The following FER variants were observed in gnomAD, a reference collection of about 807,000 sequenced individuals.
The protein encoded by FER is FER tyrosine kinase.
A neutral mutation model predicts 111.0 loss-of-function variants in FER; 63 were observed. The observed-to-expected ratio is 0.57, with a 90% CI of 0.46 to 0.70. The LOEUF is 0.70. FER is among the 30% of genes least tolerant of loss of function. The pLI is 0.00. For missense variants in FER, 914 were observed against 954.0 expected, an observed-to-expected ratio of 0.96 and a Z score of 0.55; for synonymous variants, 327 against 313.9, an observed-to-expected ratio of 1.04 and a Z score of -0.44.
At chr5:108,977,665 T>C (rs1162002829) in intron 13 of FER, among the ~76,000 whole-genome samples, 1 of 152,204 alleles carries the variant, frequency 6.6e-6, no homozygotes, top group Non-Finnish European at 1.5e-5. Context: ...TAAAAACATA[T>C]TTGGAATGTT....
At position 108,759,591 on chromosome 5, in the gene FER, G is replaced by C. The variant is rs75474841; in HGVS notation, c.-205-8502G>C. Among the ~76,000 whole-genome samples the C allele has an allele frequency of 8.2e-4, 125 of 152,320 alleles. 1 individual carries two copies. The East Asian group carries it at 0.021, about 26-fold the overall frequency. On this transcript the variant is annotated intron_variant, in intron 1 of 19. Coordinates refer to ENST00000281092, the MANE Select transcript of FER (RefSeq NM_005246.4). ...AATAATAGAAATTTATTCTCTCACA[G>C]TTCTAGAGGCTGGAAATTTCAAAGT...
chr5:109,125,187 T>C (rs1561926965), intron 17 of FER, among the ~76,000 whole-genome samples: 1 of 152,124 alleles, frequency 6.6e-6, no homozygotes, highest in Non-Finnish European at 1.5e-5. Context: ...TTTAGAATTA[T>C]TATCTGTTTT....
At chr5:108,945,943 CAGTAA>C (rs1413748525) in intron 10 of FER, among the ~76,000 whole-genome samples, 182 bp from the exon 11 acceptor site, 13 of 151,906 alleles carry the variant, frequency 8.6e-5, no homozygotes, top group Admixed American at 8.5e-4. Context: ...GTTGAGGGGT[CAGTAA>C]AGTAAAATGC....
At chr5:109,018,871 A>G (rs74796147) in intron 13 of FER, among the ~76,000 whole-genome samples, 1,520 of 151,758 alleles carry the variant, frequency 0.01, 22 homozygotes, top group African/African-American at 0.035. Flanking sequence ...GACAAATAGT[A>G]GAGGGAAATG....
At position 109,195,427 on chromosome 5, in the gene FER, C is replaced by G. The variant is rs1759671261; in HGVS notation, c.*7852C>G. Reference sequence around the variant, plus strand: ...AATATGTACATGTTCCAATGGAATTCACTATTTTTGGCTTTAGTGTCAAAG... The same window carrying G: ...AATATGTACATGTTCCAATGGAATTGACTATTTTTGGCTTTAGTGTCAAAG... On this transcript the variant is annotated 3_prime_UTR_variant, in exon 20 of 20. Coordinates refer to ENST00000281092, the MANE Select transcript of FER (RefSeq NM_005246.4). The G allele has an allele frequency of 6.6e-6, 1 of 152,112 alleles. No homozygotes were observed. The highest frequency in any genetic ancestry group is 1.5e-5 in the Non-Finnish European group (1 of 68,016). 9.4% of individuals were successfully genotyped at this position (152,112 alleles called of 1,614,324 possible). A position where few individuals can be genotyped will look rare whatever the true frequency, so the allele number is the denominator to read the frequency against.
At chr5:108,995,614 C>G (rs1017038741) in intron 13 of FER, among the ~76,000 whole-genome samples, 25 of 152,164 alleles carry the variant, frequency 1.6e-4, no homozygotes, top group Non-Finnish European at 1.3e-4. Flanking sequence ...TTTATGGCTA[C>G]TTAGTATTCC....
At chr5:108,952,540 T>C (rs1307710466) in intron 11 of FER, among the ~76,000 whole-genome samples, 1 of 137,546 alleles carries the variant, frequency 7.3e-6, no homozygotes, top group African/African-American at 2.5e-5. Context: ...CATAACAGTG[T>C]TGTATAGGGG....
intron 10 of FER, among the ~76,000 whole-genome samples, chr5:108,929,112 G>A (rs1024032487): frequency 4.6e-5 from 7 of 152,042 alleles, no homozygotes; most frequent in African/African-American, 1.7e-4. Context: ...TATGAAATGG[G>A]TTTTAGCCTT....
At chr5:108,997,416 C>CAAAA (rs552848111) in intron 13 of FER, among the ~76,000 whole-genome samples, 4 of 108,000 alleles carry the variant, frequency 3.7e-5, no homozygotes. Context: ...GACCCTGTCT[C>CAAAA]AAAAAAAAAA....
intron 2 of FER, among the ~76,000 whole-genome samples, chr5:108,776,769 C>T (rs1753544441): frequency 6.6e-6 from 1 of 152,070 alleles, no homozygotes; most frequent in Non-Finnish European, 1.5e-5. Context: ...ATTGAAAACT[C>T]AACATGTAAG....
chr5:108,893,727 G>A (rs35778913), intron 9 of FER, among the ~76,000 whole-genome samples: 10,527 of 152,048 alleles, frequency 0.069, 398 homozygotes, highest in Non-Finnish European at 0.082. Flanking sequence ...GCAACTGTGT[G>A]GGGCAAGCAA....
intron 17 of FER, among the ~76,000 whole-genome samples, chr5:109,119,814 T>G (rs1019977930): frequency 2.6e-5 from 4 of 152,216 alleles, no homozygotes; most frequent in African/African-American, 9.6e-5. Context: ...AGAAATCATT[T>G]CAACTGGGGT....
In FER at chr5:108,835,812, G is replaced by T; in HGVS notation, c.481+5G>T. The T allele has an allele frequency of 1.3e-6, 2 of 1,501,600 alleles. No homozygotes were observed. Among genetic ancestry groups the T allele is most frequent in the South Asian group, 1.3e-5 (1 of 78,752 alleles). 93.0% of individuals were successfully genotyped at this position (1,501,600 alleles called of 1,614,324 possible). A position where few individuals can be genotyped will look rare whatever the true frequency, so the allele number is the denominator to read the frequency against. ...ATAAAGAAGCTTTAGCTAAAGGTAA[G>T]GCAAAATTTTAAAAATTGTTTACTT... On this transcript the variant is annotated splice_donor_5th_base_variant and intron_variant, in intron 5 of 19. Transcript: ENST00000281092.
At chr5:109,084,608 G>A (rs1320107032) in intron 16 of FER, among the ~76,000 whole-genome samples, 3 of 151,660 alleles carry the variant, frequency 2.0e-5, no homozygotes, top group Admixed American at 6.6e-5. Flanking sequence ...AATATTTTTG[G>A]ATGAAGTCCC....
chr5:109,101,384 G>T (rs1000964162), intron 17 of FER, among the ~76,000 whole-genome samples: 2 of 151,782 alleles, frequency 1.3e-5, no homozygotes, highest in Admixed American at 6.6e-5. Context: ...TTCTCTGAGG[G>T]GAATCATTGT....
intron 10 of FER, among the ~76,000 whole-genome samples, chr5:108,909,913 A>G (rs1403095272): frequency 6.6e-6 from 1 of 151,734 alleles, no homozygotes; most frequent in East Asian, 1.9e-4. Context: ...AGATGTATTA[A>G]ATACTCAAAT....
intron 17 of FER, among the ~76,000 whole-genome samples, chr5:109,156,336 A>G (rs890807917): frequency 3.9e-5 from 6 of 152,088 alleles, no homozygotes; most frequent in African/African-American, 1.4e-4. Flanking sequence ...ACAGTGAAAC[A>G]CCAAACACTA....
At chr5:109,111,176 T>A (rs1749569282) in intron 17 of FER, among the ~76,000 whole-genome samples, 1 of 152,170 alleles carries the variant, frequency 6.6e-6, no homozygotes, top group African/African-American at 2.4e-5. Context: ...TGTGTATAAT[T>A]TATAGAGGGT....
chr5:109,005,983 ATATTTATTGTTTTTAACCAG>A (rs1234275770), intron 13 of FER, among the ~76,000 whole-genome samples: 4 of 152,226 alleles, frequency 2.6e-5, no homozygotes, highest in African/African-American at 9.6e-5. Context: ...CATTTTTAAA[ATATTTATTGTTTTTAACCAG>A]TATTGATTAA....
Sources: gnomAD v4.1 joint callset for allele counts (sites outside exome capture counted in the v4.1 genomes callset) on GRCh38, gnomAD v4.1.1 for gene constraint, MANE v1.5 for transcripts, NCBI Gene and HGNC (gene_info 2026-07-23, HGNC 2026-07-21) for gene names.